Variants in WWOX observed in about 807,000 individuals in gnomAD.
The protein encoded by WWOX is WW domain-containing oxidoreductase.
Under a neutral mutation model 46.2 loss-of-function variants are expected in WWOX, and 69 were observed. The ratio of observed to expected loss-of-function variants is 1.49; its 90% CI spans 1.23 to 1.82. WWOX has a LOEUF of 1.82. WWOX is among the 40% of genes most tolerant of loss of function. The pLI is 0.00. For missense variants in WWOX, 919 were observed against 542.6 expected (o/e 1.69, Z -6.89); for synonymous variants, 359 against 202.6 (o/e 1.77, Z -6.56).
intron 8 of WWOX, among the ~76,000 whole-genome samples, chr16:78,732,878 T>C (rs1047823873): frequency 6.6e-6 from 1 of 152,234 alleles, no homozygotes; most frequent in Admixed American, 6.5e-5. Flanking sequence ...GACTTCTTTC[T>C]TTCTTGAGAA....
At chr16:78,647,187 A>C (rs1397091430) in intron 8 of WWOX, among the ~76,000 whole-genome samples, 1 of 152,152 alleles carries the variant, frequency 6.6e-6, no homozygotes, top group East Asian at 1.9e-4. Context: ...GAATCACTGA[A>C]CCAACATGAG....
chr16:78,255,484 G>C (rs1032744532), intron 5 of WWOX, among the ~76,000 whole-genome samples: 6 of 152,162 alleles, frequency 3.9e-5, no homozygotes, highest in Non-Finnish European at 8.8e-5. Flanking sequence ...AGAAGTCATA[G>C]CAAAGAGAGA....
chr16:78,729,780 C>T (rs1340649899), intron 8 of WWOX, among the ~76,000 whole-genome samples: 1 of 152,192 alleles, frequency 6.6e-6, no homozygotes, highest in Non-Finnish European at 1.5e-5. Context: ...CCCTCAGCTG[C>T]TAAGGGTCAG....
At chr16:78,429,124 C>G (rs1412295812) in intron 7 of WWOX, among the ~76,000 whole-genome samples, 2 of 152,266 alleles carry the variant, frequency 1.3e-5, no homozygotes, top group South Asian at 2.1e-4. Flanking sequence ...AAGCAACACT[C>G]AAGAATCTTA....
intron 5 of WWOX, among the ~76,000 whole-genome samples, chr16:78,353,731 T>C (rs555038237): frequency 2.0e-4 from 30 of 152,352 alleles, no homozygotes; most frequent in African/African-American, 3.1e-4. Flanking sequence ...TAAGAACTTA[T>C]TGAAGTGAGC....
chr16:79,091,832 G>T (rs185379886), intron 8 of WWOX, among the ~76,000 whole-genome samples: 1 of 141,462 alleles, frequency 7.1e-6, no homozygotes. Context: ...CCAGGCTGGA[G>T]AGCAGTGGTA....
chr16:79,023,490 A>G lies in WWOX; in HGVS notation c.1057-188118A>G, dbSNP rs189128589. Among the ~76,000 whole-genome samples the G allele has an allele frequency of 1.5e-3, 225 of 152,288 alleles. 2 individuals carry two copies. Among genetic ancestry groups the G allele is most frequent in the African/African-American group, 5.1e-3 (210 of 41,556 alleles). ...AAGTGTTCAGGTTACATCCAGGCTGATTACTGGCCAGGAGACTAGGCATTC... is the reference window on the plus strand; with the variant it reads ...AAGTGTTCAGGTTACATCCAGGCTGGTTACTGGCCAGGAGACTAGGCATTC... On this transcript the variant is annotated intron_variant, in intron 8 of 8. Coordinates refer to ENST00000566780, the MANE Select transcript of WWOX (RefSeq NM_016373.4).
intron 8 of WWOX, among the ~76,000 whole-genome samples, chr16:79,161,504 G>C (rs987501493): frequency 2.6e-5 from 4 of 152,072 alleles, no homozygotes; most frequent in African/African-American, 4.8e-5. Context: ...AATAAGTTAT[G>C]TCTAAGTTTT....
At chr16:79,098,351 G>A (rs748798036) in intron 8 of WWOX, among the ~76,000 whole-genome samples, 1 of 152,238 alleles carries the variant, frequency 6.6e-6, no homozygotes, top group Non-Finnish European at 1.5e-5. Context: ...CTGACTCCCA[G>A]TGGGTGGTAT....
At chr16:78,688,741 T>TA (rs1179496075) in intron 8 of WWOX, among the ~76,000 whole-genome samples, 1 of 152,120 alleles carries the variant, frequency 6.6e-6, no homozygotes, top group African/African-American at 2.4e-5. Flanking sequence ...GGGTTAGTGA[T>TA]AGGGTTCGGC....
chr16:78,568,506 C>G (rs1410993160), intron 8 of WWOX, among the ~76,000 whole-genome samples: 1 of 143,818 alleles, frequency 7.0e-6, no homozygotes, highest in Non-Finnish European at 1.5e-5. Flanking sequence ...GTTGGAGTCG[C>G]ACTCTTTCAC....
intron 8 of WWOX, among the ~76,000 whole-genome samples, chr16:78,575,387 T>G (rs144745301): frequency 0.011 from 1,719 of 151,924 alleles, 33 homozygotes; most frequent in Middle Eastern, 0.048. Flanking sequence ...ATCTCCAGGT[T>G]GTCTGATGCG....
intron 8 of WWOX, among the ~76,000 whole-genome samples, chr16:78,723,584 T>C (rs543165594): frequency 0.016 from 477 of 30,152 alleles, 8 homozygotes; most frequent in African/African-American, 0.1. Context: ...TTTCTTTTCT[T>C]TTCTTTTCTT....
At chr16:78,177,677 A>T (rs1457130334) in intron 5 of WWOX, among the ~76,000 whole-genome samples, 1 of 152,182 alleles carries the variant, frequency 6.6e-6, no homozygotes, top group Non-Finnish European at 1.5e-5. Flanking sequence ...TTAGGAGAAT[A>T]GACTTTATTC....
At chr16:79,123,826 C>T (rs368177093) in intron 8 of WWOX, among the ~76,000 whole-genome samples, 14 of 152,156 alleles carry the variant, frequency 9.2e-5, no homozygotes, top group East Asian at 3.9e-4. Flanking sequence ...CCGTGCCATC[C>T]GATTAGTGAA....
intron 5 of WWOX, among the ~76,000 whole-genome samples, chr16:78,204,878 A>G (rs1323704310): frequency 6.6e-6 from 1 of 152,226 alleles, no homozygotes; most frequent in East Asian, 1.9e-4. Flanking sequence ...TAGTTAGGTA[A>G]ATTTAGACCA....
intron 8 of WWOX, among the ~76,000 whole-genome samples, chr16:78,988,021 T>C (rs1235183153): frequency 6.7e-6 from 1 of 149,790 alleles, no homozygotes; most frequent in African/African-American, 2.5e-5. Flanking sequence ...AAAGGGGGGG[T>C]GGTCAAGGTG....
At chr16:78,317,335 C>A (rs145176853) in intron 5 of WWOX, among the ~76,000 whole-genome samples, 1 of 152,148 alleles carries the variant, frequency 6.6e-6, no homozygotes, top group Admixed American at 6.5e-5. Flanking sequence ...TTAGGTAAAG[C>A]AGTGTTTCTT....
At chr16:78,570,008 G>A (rs979755985) in intron 8 of WWOX, among the ~76,000 whole-genome samples, 11 of 152,048 alleles carry the variant, frequency 7.2e-5, no homozygotes, top group African/African-American at 1.4e-4. Flanking sequence ...GATGGTTATC[G>A]GAAAGATTAA....
Sources: gnomAD v4.1 joint callset for allele counts (sites outside exome capture counted in the v4.1 genomes callset) on GRCh38, gnomAD v4.1.1 for gene constraint, MANE v1.5 for transcripts, NCBI Gene and HGNC (gene_info 2026-07-23, HGNC 2026-07-21) for gene names.